IL1RAPL2: variants seen among roughly 807,000 people sequenced by gnomAD.
IL1RAPL2 encodes interleukin 1 receptor accessory protein like 2.
In IL1RAPL2, 3 loss-of-function variants were observed where a neutral mutation model predicts 44.1. The ratio of observed to expected loss-of-function variants is 0.07; its 90% CI spans 0.03 to 0.18. IL1RAPL2 has a LOEUF of 0.18. IL1RAPL2 is among the 10% of genes least tolerant of loss of function. The probability of loss-of-function intolerance (pLI) is 1.00; values close to 1 mark genes in which losing one functional copy is unlikely to be tolerated. For missense variants in IL1RAPL2, 391 were observed against 496.4 expected (o/e 0.79, Z 2.02); for synonymous variants, 181 against 178.8 (o/e 1.01, Z -0.10).
chrX:105,119,451 C>T (rs112458870), intron 2 of IL1RAPL2, among the ~76,000 whole-genome samples: 7 of 111,041 alleles, frequency 6.3e-5, no homozygotes, highest in East Asian at 2.9e-4. Flanking sequence ...TTCTGCACAG[C>T]GGCTCGATCC....
chrX:104,672,461 G>T (rs1265496797), intron 2 of IL1RAPL2, among the ~76,000 whole-genome samples: 1 of 109,183 alleles, frequency 9.2e-6, no homozygotes, highest in African/African-American at 3.3e-5. Flanking sequence ...ATTCCATGGT[G>T]TATATGTGCC....
chrX:105,305,362 G>A (rs6621959), intron 5 of IL1RAPL2, among the ~76,000 whole-genome samples: 11,568 of 110,818 alleles, frequency 0.1, 1,494 homozygotes, highest in African/African-American at 0.36. Flanking sequence ...ACACACACAC[G>A]CACGGATCTA....
At chrX:105,162,490 C>A (rs1296720907) in intron 2 of IL1RAPL2, among the ~76,000 whole-genome samples, 1 of 112,121 alleles carries the variant, frequency 8.9e-6, no homozygotes, top group East Asian at 2.8e-4. Flanking sequence ...ACACAACTTT[C>A]CTTAAGCATT....
intron 5 of IL1RAPL2, among the ~76,000 whole-genome samples, chrX:105,314,285 GA>G (rs72209171): frequency 0.029 from 3,074 of 104,480 alleles, 80 homozygotes; most frequent in African/African-American, 0.081. Flanking sequence ...CCATTTGCTT[GA>G]AAAAAAAAAA....
intron 6 of IL1RAPL2, among the ~76,000 whole-genome samples, chrX:105,623,503 C>G (rs1602493045): frequency 1.8e-5 from 2 of 111,165 alleles, no homozygotes; most frequent in South Asian, 7.5e-4. Context: ...TTCATTTGGA[C>G]ACTTTGTAGA....
intron 5 of IL1RAPL2, among the ~76,000 whole-genome samples, chrX:105,280,084 T>C (rs2034518769): frequency 9.0e-6 from 1 of 111,664 alleles, no homozygotes; most frequent in Non-Finnish European, 1.9e-5. Flanking sequence ...AACAGATATA[T>C]AGACCAATGG....
intron 2 of IL1RAPL2, among the ~76,000 whole-genome samples, chrX:104,709,768 A>G (rs1413893371): frequency 9.0e-6 from 1 of 111,472 alleles, no homozygotes; most frequent in East Asian, 2.8e-4. Context: ...AGATATTAGT[A>G]TCCAGAATAT....
intron 6 of IL1RAPL2, among the ~76,000 whole-genome samples, chrX:105,634,463 A>T (rs1415584624): frequency 1.8e-5 from 2 of 111,443 alleles, no homozygotes; most frequent in Admixed American, 1.9e-4. Flanking sequence ...GGAACCAAAT[A>T]AAAAAGGAAA....
At chrX:104,606,762 A>G (rs755334510) in intron 1 of IL1RAPL2, among the ~76,000 whole-genome samples, 14 of 111,886 alleles carry the variant, frequency 1.3e-4, no homozygotes, top group African/African-American at 4.5e-4. Context: ...GACCTCTTTA[A>G]GGAGAACTAC....
intron 2 of IL1RAPL2, among the ~76,000 whole-genome samples, chrX:104,834,944 T>C (rs1312995424): frequency 1.8e-5 from 2 of 112,016 alleles, no homozygotes; most frequent in Non-Finnish European, 3.8e-5. Context: ...AAAACTTACC[T>C]GTCTTCAGTC....
At chrX:104,643,916 G>T (rs1263387377) in intron 1 of IL1RAPL2, among the ~76,000 whole-genome samples, 4 of 111,348 alleles carry the variant, frequency 3.6e-5, no homozygotes, top group Admixed American at 2.9e-4. Context: ...TTACACAAGG[G>T]TAATGAGGTT....
intron 2 of IL1RAPL2, among the ~76,000 whole-genome samples, chrX:104,772,799 G>T (rs1049222253): frequency 8.9e-6 from 1 of 112,392 alleles, no homozygotes; most frequent in Non-Finnish European, 1.9e-5. Flanking sequence ...TAAGTTAATA[G>T]ATCATTTCTT....
rs112411103 is a variant in IL1RAPL2, at chrX:105,043,533, G to A, written c.83-151942G>A. Reference sequence around the variant, plus strand: ...GGCTCTACTGAAATAAGTCCCTTCCGTCTTTCTCTTTCCTCATCCCCTTCT... The same window carrying A: ...GGCTCTACTGAAATAAGTCCCTTCCATCTTTCTCTTTCCTCATCCCCTTCT... On this transcript the variant is annotated intron_variant, in intron 2 of 10. Coordinates refer to ENST00000372582, the MANE Select transcript of IL1RAPL2 (RefSeq NM_017416.2). Among the ~76,000 whole-genome samples the A allele has an allele frequency of 3.0e-3, 309 of 101,911 alleles. 2 individuals carry two copies. The highest frequency in any genetic ancestry group is 0.01 in the African/African-American group (285 of 27,440). 88.5% of individuals were successfully genotyped at this position (101,911 alleles called of 115,157 possible).
chrX:105,215,141 A>C (rs190223775), intron 3 of IL1RAPL2, among the ~76,000 whole-genome samples: 3 of 112,231 alleles, frequency 2.7e-5, no homozygotes. Flanking sequence ...TAGAGACACA[A>C]AAAACCCTTC....
intron 6 of IL1RAPL2, among the ~76,000 whole-genome samples, chrX:105,550,752 T>C (rs2036845172): frequency 1.0e-5 from 1 of 98,163 alleles, no homozygotes; most frequent in African/African-American, 3.9e-5. Context: ...TTGTCAAAGA[T>C]TCTAAGAGTT....
At chrX:105,301,833 A>C (rs2147674965) in intron 5 of IL1RAPL2, among the ~76,000 whole-genome samples, 1 of 112,341 alleles carries the variant, frequency 8.9e-6, no homozygotes. Flanking sequence ...TGCAGTAAAC[A>C]TCAGAGTGCA....
At chrX:105,093,668 G>A (rs368736537) in intron 2 of IL1RAPL2, among the ~76,000 whole-genome samples, 2 of 111,602 alleles carry the variant, frequency 1.8e-5, no homozygotes, top group African/African-American at 6.5e-5. Flanking sequence ...AAGGCAAAGG[G>A]TTTGGTACAG....
intron 5 of IL1RAPL2, among the ~76,000 whole-genome samples, chrX:105,332,977 A>T (rs1408956932): frequency 9.0e-6 from 1 of 111,627 alleles, no homozygotes; most frequent in East Asian, 2.8e-4. Context: ...TCCTATCAAA[A>T]TACCAATGAT....
intron 5 of IL1RAPL2, among the ~76,000 whole-genome samples, chrX:105,447,110 AATATATATAAATATAAAT>A (rs2035964358): frequency 2.9e-4 from 8 of 27,872 alleles, no homozygotes; most frequent in Admixed American, 1.8e-3. Flanking sequence ...TATATATAAA[AATATATATAAATATAAAT>A]ATATATATGA....
Sources: gnomAD v4.1 joint callset for allele counts (sites outside exome capture counted in the v4.1 genomes callset) on GRCh38, gnomAD v4.1.1 for gene constraint, MANE v1.5 for transcripts, NCBI Gene and HGNC (gene_info 2026-07-23, HGNC 2026-07-21) for gene names.